Variants in RABL3 observed in about 807,000 individuals in gnomAD.
The protein encoded by RABL3 is RAB, member of RAS oncogene family like 3, also known as rab-like protein 3.
In RABL3, 31 loss-of-function variants were observed where a neutral mutation model predicts 31.8. That is an observed-to-expected ratio of 0.97 (90% CI 0.73 to 1.31). The LOEUF (loss-of-function observed/expected upper bound fraction) is 1.31, where lower values mean the gene tolerates loss of function less well. Ranked by LOEUF, RABL3 falls within the 40% of genes most tolerant of loss-of-function variation. The probability of loss-of-function intolerance (pLI) is 0.00; values close to 1 mark genes in which losing one functional copy is unlikely to be tolerated. For missense variants in RABL3, 263 were observed against 279.6 expected, an observed-to-expected ratio of 0.94 and a Z score of 0.42; for synonymous variants, 97 against 99.9, an observed-to-expected ratio of 0.97 and a Z score of 0.18.
At chr3:120,734,286 G>C (rs1459520053) in intron 1 of RABL3, among the ~76,000 whole-genome samples, 2 of 152,114 alleles carry the variant, frequency 1.3e-5, no homozygotes, top group Admixed American at 6.5e-5. Flanking sequence ...GGATTCCTAG[G>C]TATTTTATTC....
chr3:120,730,691 C>A lies in RABL3; in HGVS notation c.138+5G>T, dbSNP rs373929781. On this transcript the variant is annotated splice_donor_5th_base_variant and intron_variant, in intron 2 of 7. Coordinates refer to ENST00000273375, the MANE Select transcript of RABL3 (RefSeq NM_173825.5). ...TTGAAAAACTAAAATATAAAAGACA[C>A]ATACTCTGACATCCACTGAGCAGCC... 7 of 1,598,216 alleles carry A rather than the reference C, an allele frequency of 4.4e-6. No individual in the cohort carries two copies. Among genetic ancestry groups the A allele is most frequent in the Non-Finnish European group, 6.0e-6 (7 of 1,169,176 alleles).
At chr3:120,735,492 C>G (rs1356984854) in intron 1 of RABL3, among the ~76,000 whole-genome samples, 1 of 152,114 alleles carries the variant, frequency 6.6e-6, no homozygotes, top group African/African-American at 2.4e-5. Flanking sequence ...TTTCAAAAAA[C>G]CAGCTCCTGG....
intron 3 of RABL3, 115 bp downstream of exon 3, chr3:120,709,665 G>T (rs1015479706): frequency 1.4e-6 from 1 of 735,516 alleles, no homozygotes; most frequent in Non-Finnish European, 2.2e-6. Context: ...CAAGGGTTGT[G>T]AGTACATTAT....
chr3:120,692,406 GC>G (rs1362521685), intron 6 of RABL3, among the ~76,000 whole-genome samples: 4 of 152,200 alleles, frequency 2.6e-5, no homozygotes, highest in African/African-American at 7.2e-5. Flanking sequence ...CACCATGCTA[GC>G]CATGATGGTC....
intron 2 of RABL3, among the ~76,000 whole-genome samples, chr3:120,716,834 GA>G (rs1708676036): frequency 6.6e-6 from 1 of 152,142 alleles, no homozygotes; most frequent in South Asian, 2.1e-4. Flanking sequence ...TCTTTCTATA[GA>G]AAAGAACTGT....
At chr3:120,723,529 C>CG (rs1708776048) in intron 2 of RABL3, among the ~76,000 whole-genome samples, 1 of 152,178 alleles carries the variant, frequency 6.6e-6, no homozygotes, top group African/African-American at 2.4e-5. Context: ...CCCTGAGGAA[C>CG]AGCAATGCAA....
chr3:120,733,354 A>G (rs546998120), intron 1 of RABL3, among the ~76,000 whole-genome samples: 3 of 152,228 alleles, frequency 2.0e-5, no homozygotes, highest in African/African-American at 7.2e-5. Context: ...GGCTGCATAA[A>G]TGTCTTCTTT....
chr3:120,736,175 G>A (rs1470107665), intron 1 of RABL3, among the ~76,000 whole-genome samples: 1 of 152,184 alleles, frequency 6.6e-6, no homozygotes, highest in African/African-American at 2.4e-5. Flanking sequence ...TTGCGTGGGA[G>A]TCTAAGTGTC....
chr3:120,690,510 A>C, intron 6 of RABL3, 23 bp from the exon 7 acceptor site: 1 of 1,595,342 alleles, frequency 6.3e-7, no homozygotes, highest in Non-Finnish European at 8.6e-7. Flanking sequence ...AAGATTTTAA[A>C]GGCTTAGCAC....
At chr3:120,719,759 C>A (rs183817770) in intron 2 of RABL3, among the ~76,000 whole-genome samples, 77 of 152,364 alleles carry the variant, frequency 5.1e-4, no homozygotes, top group Admixed American at 1.7e-3. Flanking sequence ...CCTCTGTAGA[C>A]TCCACCTCTG....
chr3:120,707,363 TA>T (rs950597344), intron 3 of RABL3, among the ~76,000 whole-genome samples: 13 of 152,160 alleles, frequency 8.5e-5, no homozygotes, highest in African/African-American at 3.1e-4. Context: ...GGCACAGATT[TA>T]AAAAAAGGAA....
intron 3 of RABL3, among the ~76,000 whole-genome samples, chr3:120,707,554 A>C (rs56205540): frequency 0.021 from 3,251 of 152,216 alleles, 53 homozygotes; most frequent in Middle Eastern, 0.054. Context: ...CCTTGGGCAC[A>C]TGGTAAGTCA....
chr3:120,716,513 T>G (rs1708671421), intron 2 of RABL3, among the ~76,000 whole-genome samples: 2 of 151,818 alleles, frequency 1.3e-5, no homozygotes, highest in Non-Finnish European at 2.9e-5. Flanking sequence ...AGATTTGAAG[T>G]AAAAGAGGCA....
At chr3:120,719,421 G>T (rs866098432) in intron 2 of RABL3, among the ~76,000 whole-genome samples, 1 of 152,238 alleles carries the variant, frequency 6.6e-6, no homozygotes, top group Non-Finnish European at 1.5e-5. Context: ...CCTGGGAAGC[G>T]CAAGGGGTCA....
chr3:120,720,808 A>G (rs1474522745), intron 2 of RABL3, among the ~76,000 whole-genome samples: 1 of 152,218 alleles, frequency 6.6e-6, no homozygotes, highest in African/African-American at 2.4e-5. Context: ...AGGCAGGCCA[A>G]CATTCAAATT....
chr3:120,732,161 T>C (rs1193198460), intron 1 of RABL3, among the ~76,000 whole-genome samples: 2 of 152,230 alleles, frequency 1.3e-5, no homozygotes, highest in Non-Finnish European at 2.9e-5. Context: ...ATATACACAG[T>C]ATACTTAAAA....
At chr3:120,732,897 A>C (rs1320708002) in intron 1 of RABL3, among the ~76,000 whole-genome samples, 1 of 152,074 alleles carries the variant, frequency 6.6e-6, no homozygotes, top group Non-Finnish European at 1.5e-5. Flanking sequence ...TGAACTCATC[A>C]TTTTTTATGG....
intron 2 of RABL3, among the ~76,000 whole-genome samples, chr3:120,715,552 A>ATAC (rs1477870442): frequency 6.6e-6 from 1 of 152,050 alleles, no homozygotes; most frequent in Non-Finnish European, 1.5e-5. Flanking sequence ...AATAATAATA[A>ATAC]TAATAAATAA....
chr3:120,739,795 C>T (rs1709020083), intron 1 of RABL3, among the ~76,000 whole-genome samples: 1 of 152,122 alleles, frequency 6.6e-6, no homozygotes, highest in Admixed American at 6.5e-5. Flanking sequence ...ATGTATCTAT[C>T]CACTTAATTA....
Sources: allele counts gnomAD v4.1 joint callset (sites outside exome capture counted in the v4.1 genomes callset), GRCh38; gene constraint gnomAD v4.1.1; transcripts MANE v1.5; gene names NCBI Gene and HGNC (gene_info 2026-07-23, HGNC 2026-07-21).